Variants in NCOR2 observed in about 807,000 individuals in gnomAD.
The protein encoded by NCOR2 is nuclear receptor corepressor 2.
In NCOR2, 81 loss-of-function variants were observed where a neutral mutation model predicts 262.9. The observed-to-expected ratio is 0.31, with a 90% CI of 0.26 to 0.37. The LOEUF is 0.37. Among genes scored for constraint, NCOR2 ranks in the 10% least tolerant of loss-of-function variants. NCOR2 has a pLI of 1.00. For missense variants in NCOR2, 3,385 were observed against 3,621.4 expected (o/e 0.93, Z 1.68); for synonymous variants, 1,659 against 1,559.3 (o/e 1.06, Z -1.51).
intron 1 of NCOR2, among the ~76,000 whole-genome samples, chr12:124,511,744 G>C (rs1332946280): frequency 2.0e-5 from 3 of 152,132 alleles, no homozygotes; most frequent in African/African-American, 7.2e-5. Flanking sequence ...GCACAAAGGG[G>C]TTCTCGGCCA....
At chr12:124,480,549 C>G (rs999188059) in intron 3 of NCOR2, among the ~76,000 whole-genome samples, 1 of 152,198 alleles carries the variant, frequency 6.6e-6, no homozygotes, top group Non-Finnish European at 1.5e-5. Context: ...CAGCAGCAAA[C>G]CACAGGTGCT....
At chr12:124,554,325 C>T (rs2051814519) in intron 1 of NCOR2, among the ~76,000 whole-genome samples, 1 of 152,202 alleles carries the variant, frequency 6.6e-6, no homozygotes, top group African/African-American at 2.4e-5. Flanking sequence ...CTCCCCATGG[C>T]CCACCTCCCA....
rs763511199 is a variant in NCOR2, at chr12:124,457,210, A to G, written c.706-48T>C. ...AGGAATTTTTTTAAAAAACAAAAAA[A>G]CACAGATTATAAATAGAGGCTTCCC... On this transcript the variant is annotated intron_variant, in intron 5 of 46. Coordinates refer to ENST00000405201, the Ensembl canonical transcript of NCOR2. This position sits in a 1 kb window ranked among gnomAD's most constrained non-coding sequence, Gnocchi z 4.0. The G allele has an allele frequency of 1.3e-6, 2 of 1,528,150 alleles. No individual in the cohort carries two copies. The highest frequency in any genetic ancestry group is 2.9e-5 in the African/African-American group (2 of 68,598). 94.7% of individuals were successfully genotyped at this position (1,528,150 alleles called of 1,614,324 possible).
intron 13 of NCOR2, among the ~76,000 whole-genome samples, chr12:124,417,363 C>A (rs539619832): frequency 6.6e-6 from 1 of 152,178 alleles, no homozygotes; most frequent in Non-Finnish European, 1.5e-5. Context: ...CAGGATATGC[C>A]GGGCACCGAC....
intron 16 of NCOR2, among the ~76,000 whole-genome samples, chr12:124,396,202 G>A (rs111929098): frequency 3.9e-5 from 6 of 152,222 alleles, no homozygotes; most frequent in Non-Finnish European, 8.8e-5. Flanking sequence ...GGGAGGGACT[G>A]CTAATGGGTA....
At chr12:124,365,592 G>A (rs947456875) in intron 20 of NCOR2, among the ~76,000 whole-genome samples, 1 of 152,216 alleles carries the variant, frequency 6.6e-6, no homozygotes, top group South Asian at 2.1e-4. Context: ...TCAGCTGAGC[G>A]GGGAGAGCAG....
chr12:124,403,698 C>G (rs765920666), intron 13 of NCOR2, among the ~76,000 whole-genome samples: 1 of 152,158 alleles, frequency 6.6e-6, no homozygotes, highest in African/African-American at 2.4e-5. Flanking sequence ...GAGGAGGGAT[C>G]GGGGAGGTGA....
intron 20 of NCOR2, among the ~76,000 whole-genome samples, chr12:124,366,741 C>T (rs1245423890): frequency 6.6e-6 from 1 of 152,096 alleles, no homozygotes; most frequent in Non-Finnish European, 1.5e-5. Flanking sequence ...TGGTCTTGAA[C>T]TCCTGGGCTC....
At chr12:124,554,270 A>G (rs2051812569) in intron 1 of NCOR2, among the ~76,000 whole-genome samples, 2 of 152,176 alleles carry the variant, frequency 1.3e-5, no homozygotes, top group Non-Finnish European at 2.9e-5. Context: ...GCAAAAAATC[A>G]CACAGCAATC....
chr12:124,396,913 C>A (rs1431975644), intron 16 of NCOR2, among the ~76,000 whole-genome samples: 6 of 152,206 alleles, frequency 3.9e-5, no homozygotes, highest in African/African-American at 1.4e-4. Flanking sequence ...CCATAAGTCA[C>A]GACCTGGAGC....
chr12:124,546,913 C>G (rs554786110), intron 1 of NCOR2, among the ~76,000 whole-genome samples: 6 of 152,202 alleles, frequency 3.9e-5, no homozygotes, highest in Non-Finnish European at 7.3e-5. Context: ...TAGCCCTTAT[C>G]TGACTGAACA....
intron 22 of NCOR2, among the ~76,000 whole-genome samples, chr12:124,358,114 CGTGTGAGTGCATGG>C (rs2038145312): frequency 8.1e-6 from 1 of 122,720 alleles, no homozygotes; most frequent in Non-Finnish European, 1.7e-5. Context: ...CACGTGCGTG[CGTGTGAGTGCATGG>C]ATGTGTGTGT....
chr12:124,398,044 A>G (rs975471880), intron 16 of NCOR2, 75 bp downstream of exon 18: 1 of 1,563,642 alleles, frequency 6.4e-7, no homozygotes. Flanking sequence ...ATGTGTCAAC[A>G]CCCTCCCCAG....
intron 38 of NCOR2, 157 bp from the exon 41 acceptor site, chr12:124,335,789 G>A: frequency 1.3e-6 from 1 of 784,890 alleles, no homozygotes; most frequent in Non-Finnish European, 2.0e-6. Context: ...AAGGCAGAGA[G>A]GGGTGTTGGG....
At chr12:124,365,728 C>G (rs559947086) in intron 20 of NCOR2, among the ~76,000 whole-genome samples, 2 of 152,066 alleles carry the variant, frequency 1.3e-5, no homozygotes, top group East Asian at 3.9e-4. Flanking sequence ...TCCTCCCTCC[C>G]CTCCCTCCAC....
In NCOR2 at chr12:124,457,176, G is replaced by T; in HGVS notation, c.706-14C>A. 6.5e-7 allele frequency: 1 copy of T among 1,535,800 alleles called. No homozygotes were observed. The highest frequency in any genetic ancestry group is 8.7e-7 in the Non-Finnish European group (1 of 1,152,686). ...TTCAGCCTTCTTCTGCAGGGTGATG[G>T]CGAAGAGGAGGAATTTTTTTAAAAA... On this transcript the variant is annotated splice_polypyrimidine_tract_variant and intron_variant, in intron 5 of 46. Transcript: ENST00000405201. This position sits in a 1 kb window ranked among gnomAD's most constrained non-coding sequence, Gnocchi z 4.0.
chr12:124,553,715 GT>G (rs1418264509), intron 1 of NCOR2, among the ~76,000 whole-genome samples: 2 of 152,188 alleles, frequency 1.3e-5, no homozygotes, highest in African/African-American at 4.8e-5. Context: ...TTTCTGACCA[GT>G]CACAAATGGC....
intron 2 of NCOR2, among the ~76,000 whole-genome samples, chr12:124,485,823 C>T (rs1049993888): frequency 3.3e-5 from 5 of 152,200 alleles, no homozygotes; most frequent in Admixed American, 2.0e-4. Context: ...ACACCTCAGC[C>T]GTCTCCAGCA....
chr12:124,555,809 C>T (rs1384119949), intron 1 of NCOR2: 1 of 152,230 alleles, frequency 6.6e-6, no homozygotes, highest in Non-Finnish European at 1.5e-5. Context: ...GTTTAAAGTC[C>T]CTCCCCGGTC....
Sources: gnomAD v4.1 joint callset for allele counts (sites outside exome capture counted in the v4.1 genomes callset) on GRCh38, gnomAD v4.1.1 for gene constraint, Gnocchi (gnomAD v3.1) non-coding constraint, MANE v1.5 for transcripts, NCBI Gene and HGNC (gene_info 2026-07-23, HGNC 2026-07-21) for gene names.